GRIN2B: variants seen among roughly 807,000 people sequenced by gnomAD.
GRIN2B encodes the protein glutamate receptor ionotropic, NMDA 2B.
In GRIN2B, 5 loss-of-function variants were observed where a neutral mutation model predicts 114.5. That is an observed-to-expected ratio of 0.04 (90% CI 0.02 to 0.09). The LOEUF (loss-of-function observed/expected upper bound fraction) is 0.09, where lower values mean the gene tolerates loss of function less well. Among genes scored for constraint, GRIN2B ranks in the 10% least tolerant of loss-of-function variants. GRIN2B has a pLI of 1.00. For missense variants in GRIN2B, 1,108 were observed against 1,943.5 expected, an observed-to-expected ratio of 0.57 and a Z score of 8.08; for synonymous variants, 787 against 745.1, an observed-to-expected ratio of 1.06 and a Z score of -0.92.
chr12:13,623,657 G>C (rs928289340), intron 5 of GRIN2B, among the ~76,000 whole-genome samples: 7 of 152,088 alleles, frequency 4.6e-5, no homozygotes, highest in Admixed American at 1.3e-4. Flanking sequence ...TCCATTCATA[G>C]AGAAGAGCTC....
chr12:13,902,557 T>A (rs1007379414), intron 2 of GRIN2B, among the ~76,000 whole-genome samples: 1 of 152,172 alleles, frequency 6.6e-6, no homozygotes, highest in Non-Finnish European at 1.5e-5. Context: ...ATGCCGATAA[T>A]CCTAGCACTT....
chr12:13,866,642 G>T (rs972950734), intron 2 of GRIN2B, among the ~76,000 whole-genome samples: 9 of 152,144 alleles, frequency 5.9e-5, no homozygotes, highest in African/African-American at 2.2e-4. Flanking sequence ...GCTCAGCAGA[G>T]GTGAGCAACA....
chr12:13,760,305 T>C (rs949447142), intron 3 of GRIN2B, among the ~76,000 whole-genome samples: 2 of 152,192 alleles, frequency 1.3e-5, no homozygotes, highest in South Asian at 4.1e-4. Flanking sequence ...GTCTGGCCCA[T>C]AGGGTGCTCT....
chr12:13,724,360 A>G (rs899907641), intron 4 of GRIN2B, among the ~76,000 whole-genome samples: 1 of 152,170 alleles, frequency 6.6e-6, no homozygotes, highest in African/African-American at 2.4e-5. Context: ...CACATGTAGG[A>G]GTGAACTTTG....
chr12:13,809,494 A>G (rs1864685881), intron 3 of GRIN2B, among the ~76,000 whole-genome samples: 1 of 152,200 alleles, frequency 6.6e-6, no homozygotes, highest in South Asian at 2.1e-4. Flanking sequence ...TGCTGCTTAT[A>G]TAGGAGATAT....
chr12:13,623,325 A>T (rs1370049292), intron 5 of GRIN2B, among the ~76,000 whole-genome samples: 1 of 152,220 alleles, frequency 6.6e-6, no homozygotes, highest in Admixed American at 6.5e-5. Context: ...CCCAGAAATG[A>T]AAAGGCGGAA....
chr12:13,665,136 T>G (rs756480605), intron 5 of GRIN2B, among the ~76,000 whole-genome samples: 1 of 125,366 alleles, frequency 8.0e-6, no homozygotes, highest in Non-Finnish European at 1.7e-5. Context: ...AAAGAGAGGG[T>G]GTGTGTGTGT....
At chr12:13,815,479 G>A (rs138311578) in intron 3 of GRIN2B, among the ~76,000 whole-genome samples, 76 of 152,240 alleles carry the variant, frequency 5.0e-4, no homozygotes, top group African/African-American at 1.6e-3. Context: ...GATTTAAAAT[G>A]ATAAAGAGTG....
intron 2 of GRIN2B, among the ~76,000 whole-genome samples, chr12:13,927,407 T>C (rs763949264): frequency 1.3e-5 from 2 of 152,130 alleles, no homozygotes; most frequent in Non-Finnish European, 2.9e-5. Flanking sequence ...TATTTTACAC[T>C]TTGTGGGCCA....
chr12:13,794,755 G>T (rs1864387649), intron 3 of GRIN2B, among the ~76,000 whole-genome samples: 1 of 152,196 alleles, frequency 6.6e-6, no homozygotes, highest in African/African-American at 2.4e-5. Flanking sequence ...TACTCGCCAA[G>T]CCTCAGAATG....
chr12:13,815,381 A>G (rs1019902706), intron 3 of GRIN2B, among the ~76,000 whole-genome samples: 2 of 152,166 alleles, frequency 1.3e-5, no homozygotes, highest in Non-Finnish European at 2.9e-5. Context: ...ACAAGAAAAA[A>G]AAAAAAGACA....
chr12:13,734,836 C>T (rs1241031599), intron 4 of GRIN2B, among the ~76,000 whole-genome samples: 4 of 152,128 alleles, frequency 2.6e-5, no homozygotes, highest in Admixed American at 6.6e-5. Flanking sequence ...TTAAAGGACA[C>T]CTATGTCCTT....
chr12:13,803,333 G>A (rs12426790), intron 3 of GRIN2B, among the ~76,000 whole-genome samples: 4 of 151,986 alleles, frequency 2.6e-5, no homozygotes, highest in Non-Finnish European at 5.9e-5. Flanking sequence ...AGGGTCAACT[G>A]TACTTAACTT....
At chr12:13,790,494 T>C (rs1864302250) in intron 3 of GRIN2B, among the ~76,000 whole-genome samples, 1 of 152,174 alleles carries the variant, frequency 6.6e-6, no homozygotes, top group Non-Finnish European at 1.5e-5. Context: ...CAGATGAAAA[T>C]GTTTTCACTT....
intron 10 of GRIN2B, among the ~76,000 whole-genome samples, chr12:13,572,598 T>G (rs1012971412): frequency 2.6e-5 from 4 of 152,130 alleles, no homozygotes; most frequent in Admixed American, 1.3e-4. Flanking sequence ...AGACTGAGAG[T>G]ACATCTCCAG....
chr12:13,880,801 T>C (rs1474137256), intron 2 of GRIN2B, among the ~76,000 whole-genome samples: 1 of 152,240 alleles, frequency 6.6e-6, no homozygotes, highest in Non-Finnish European at 1.5e-5. Context: ...GCAACTGCCC[T>C]GTGTACAGAC....
intron 4 of GRIN2B, among the ~76,000 whole-genome samples, chr12:13,737,483 T>C (rs1863206002): frequency 6.6e-6 from 1 of 152,182 alleles, no homozygotes; most frequent in Admixed American, 6.5e-5. Context: ...AATGCTGGGA[T>C]TACAGGCTTG....
rs1949444472 is a variant in GRIN2B, at chr12:13,616,580, C to T, written c.1203G>A (p.Gln401=). Residue 401 remains glutamine (Q), a synonymous_variant, in exon 6 of 14, where the codon CAG becomes CAA. Transcript: ENST00000609686. The part of the protein sequence containing the change: ...WPRMCPETEE[Q]EDDHLSIVTL... ...TCACAATGCTCAGATGGTCATCCTC[C>T]TGCTCTTCAGTCTCTGGACACATTC... 2.5e-6 allele frequency: 4 copies of T among 1,614,018 alleles called. No homozygotes were observed. In the East Asian group the frequency reaches 8.9e-5, roughly 36 times the overall value.
chr12:13,723,241 C>G (rs970116828), intron 4 of GRIN2B, among the ~76,000 whole-genome samples: 1 of 151,832 alleles, frequency 6.6e-6, no homozygotes, highest in Non-Finnish European at 1.5e-5. Flanking sequence ...CTGCACCCAT[C>G]AACCCATCAT....
Sources: allele counts gnomAD v4.1 joint callset (sites outside exome capture counted in the v4.1 genomes callset), GRCh38; gene constraint gnomAD v4.1.1; transcripts MANE v1.5; gene names NCBI Gene and HGNC (gene_info 2026-07-23, HGNC 2026-07-21).